The following FAM174B variants were observed in gnomAD, a reference collection of about 807,000 sequenced individuals.
The protein encoded by FAM174B is family with sequence similarity 174 member B, also known as membrane protein FAM174B.
Under a neutral mutation model 10.9 loss-of-function variants are expected in FAM174B, and 12 were observed. The ratio of observed to expected loss-of-function variants is 1.10; its 90% CI spans 0.71 to 1.79. FAM174B has a LOEUF of 1.79. Among genes scored for constraint, FAM174B ranks in the 40% most tolerant of loss-of-function variants. FAM174B has a pLI of 0.00. For missense variants in FAM174B, 266 were observed against 233.3 expected (o/e 1.14, Z -0.91); for synonymous variants, 132 against 115.8 (o/e 1.14, Z -0.90).
intron 1 of FAM174B, among the ~76,000 whole-genome samples, chr15:92,635,114 T>G (rs1041592854): frequency 1.1e-5 from 1 of 88,120 alleles, no homozygotes; most frequent in African/African-American, 3.2e-5. Context: ...CTCTCTCTCT[T>G]TCTCTGTCTC....
At chr15:92,627,739 C>T (rs978984075) in intron 2 of FAM174B, among the ~76,000 whole-genome samples, 2 of 152,186 alleles carry the variant, frequency 1.3e-5, no homozygotes, top group Admixed American at 6.5e-5. Context: ...TTGATCCACT[C>T]GAACCATTAA....
chr15:92,621,480 C>T (rs2050718962), intron 2 of FAM174B, among the ~76,000 whole-genome samples: 1 of 151,964 alleles, frequency 6.6e-6, no homozygotes, highest in South Asian at 2.1e-4. Flanking sequence ...GACATGGTGG[C>T]TTGTGCCTGT....
intron 1 of FAM174B, among the ~76,000 whole-genome samples, chr15:92,631,315 TAATATTATATATAA>T (rs2050807168): frequency 1.3e-3 from 1 of 796 alleles, no homozygotes; most frequent in African/African-American, 2.0e-3. Flanking sequence ...ATATTATATA[TAATATTATATATAA>T]TATATTATAT....
intron 2 of FAM174B, among the ~76,000 whole-genome samples, chr15:92,623,023 G>A (rs1418250796): frequency 6.6e-6 from 1 of 152,106 alleles, no homozygotes; most frequent in Non-Finnish European, 1.5e-5. Flanking sequence ...GGGCGTGGTG[G>A]CAGGCGCCTG....
Position 92,630,258 on chromosome 15 carries a change from C to T in FAM174B, c.432G>A (p.Glu144=). 6.2e-7 allele frequency: 1 copy of T among 1,613,452 alleles called. No individual in the cohort carries two copies. The highest frequency in any genetic ancestry group is 8.5e-7 in the Non-Finnish European group (1 of 1,179,654). Residue 144 remains glutamate (E), a synonymous_variant, in exon 2 of 3, where the codon GAG becomes GAA. Coordinates refer to ENST00000327355, the MANE Select transcript of FAM174B (RefSeq NM_207446.3). ...ERVEMAPLNE[E]DDEDEDSTVF... is the part of the protein sequence containing the mutation. ...CTGTGGAGTCCTCATCTTCATCATC[C>T]TCTTCATTTAGTGGCGCCATTTCCA...
In FAM174B at chr15:92,630,343, G is replaced by A. The variant is rs34052034; in HGVS notation, c.347C>T (p.Ser116Leu). 225 of 1,609,140 alleles carry A rather than the reference G, an allele frequency of 1.4e-4. No homozygotes were observed. The highest frequency in any genetic ancestry group is 1.0e-3 in the South Asian group (93 of 90,432). ...GCGTGTCTTCTTTAACCTCTTTCCC[G>A]ACCTGCAGGAGAAGAAGCACATTCA... Reference protein sequence around the residue: ...IACLLLRVFRSGKRLKKTRKY... With the variant: ...IACLLLRVFRLGKRLKKTRKY... The change falls in exon 2 of 3, where the codon TCG (serine) becomes TTG (leucine). Residue 116 changes from serine to leucine, a missense_variant and splice_region_variant. Physicochemically the swap from Ser to Leu is moderately radical, Grantham distance 145 (BLOSUM62 -2). Coordinates refer to ENST00000327355, the MANE Select transcript of FAM174B (RefSeq NM_207446.3).
chr15:92,627,606 C>G (rs2050761571), intron 2 of FAM174B, among the ~76,000 whole-genome samples: 1 of 152,180 alleles, frequency 6.6e-6, no homozygotes, highest in Non-Finnish European at 1.5e-5. Flanking sequence ...AGGGTCTTCT[C>G]TTATTCAGTG....
At chr15:92,631,447 TAAC>T (rs2050816499) in intron 1 of FAM174B, among the ~76,000 whole-genome samples, 1 of 61,016 alleles carries the variant, frequency 1.6e-5, no homozygotes, top group East Asian at 4.2e-4. Flanking sequence ...ATTATATATA[TAAC>T]ATAATATATA....
chr15:92,630,705 T>C (rs2050787577), intron 1 of FAM174B, among the ~76,000 whole-genome samples: 6 of 134,626 alleles, frequency 4.5e-5, no homozygotes, highest in Admixed American at 3.9e-4. Context: ...ATATATATTA[T>C]ATAATTATAT....
chr15:92,642,273 A>G (rs1161485498), intron 1 of FAM174B, among the ~76,000 whole-genome samples: 2 of 152,272 alleles, frequency 1.3e-5, no homozygotes, highest in Non-Finnish European at 2.9e-5. Context: ...AAGGTTAAAC[A>G]TGGAGTTATC....
rs367642570 is a variant in FAM174B at position 92,655,298 on chromosome 15, G to A, written c.344+18C>T. The stretch of plus-strand genomic sequence containing the variant: ...CCCTGTCGGCCGGCGGGGGAAGGAA[G>A]AGGGCGGGAGGGCCCACCTGAAGAC... On this transcript the variant is annotated intron_variant, in intron 1 of 2. Coordinates refer to ENST00000327355, the MANE Select transcript of FAM174B (RefSeq NM_207446.3). 2 of 1,527,076 alleles carry A rather than the reference G, an allele frequency of 1.3e-6. No homozygotes were observed. Among genetic ancestry groups the A allele is most frequent in the African/African-American group, 1.4e-5 (1 of 70,222 alleles). 94.6% of individuals were successfully genotyped at this position (1,527,076 alleles called of 1,614,324 possible). A position where few individuals can be genotyped will look rare whatever the true frequency, so the allele number is the denominator to read the frequency against.
intron 1 of FAM174B, among the ~76,000 whole-genome samples, chr15:92,649,729 C>G (rs2050952279): frequency 1.3e-5 from 2 of 152,206 alleles, no homozygotes; most frequent in Admixed American, 1.3e-4. Context: ...ACATTTGGGG[C>G]TCCCCATCCT....
intron 1 of FAM174B, among the ~76,000 whole-genome samples, chr15:92,642,551 T>C (rs2050898526): frequency 6.6e-6 from 1 of 152,258 alleles, no homozygotes. Context: ...GTTCTCATGA[T>C]AGTGAGTTCT....
At position 92,630,833 on chromosome 15, in the gene FAM174B, TTATA is replaced by T. The variant is rs375313390; in HGVS notation, c.345-492_345-489del. 1.8e-4 allele frequency among the ~76,000 whole-genome samples: 7 copies of T among 39,578 alleles called. 1 individual carries two copies. The East Asian group carries it at 1.8e-3, about 10-fold the overall frequency. The allele number at this position is 39,578 out of a possible 152,430, so 26.0% of individuals were successfully genotyped here. ...TATTTTATATATTACATATTATATA[TTATA>T]TATATTACATATTACATGTTACATA... On this transcript the variant is annotated intron_variant, in intron 1 of 2. Coordinates refer to ENST00000327355, the MANE Select transcript of FAM174B (RefSeq NM_207446.3).
At chr15:92,654,617 G>C (rs944051501) in intron 1 of FAM174B, among the ~76,000 whole-genome samples, 52 of 152,044 alleles carry the variant, frequency 3.4e-4, no homozygotes, top group African/African-American at 1.2e-3. Flanking sequence ...ACTTAGGCAG[G>C]AGCCTAGGAA....
At chr15:92,621,992 C>T (rs1471300353) in intron 2 of FAM174B, among the ~76,000 whole-genome samples, 5 of 152,196 alleles carry the variant, frequency 3.3e-5, no homozygotes, top group Admixed American at 3.3e-4. Context: ...GACCAAGAAT[C>T]GGAGCTGAGG....
chr15:92,639,153 C>G (rs1326185101), intron 1 of FAM174B: 2 of 152,288 alleles, frequency 1.3e-5, no homozygotes. Flanking sequence ...AGGGTAGGAA[C>G]TCACCTCGGA....
chr15:92,628,172 T>A (rs532838553), intron 2 of FAM174B, among the ~76,000 whole-genome samples: 23 of 78,164 alleles, frequency 2.9e-4, no homozygotes, highest in African/African-American at 5.9e-4. Context: ...TTTCCCAAAA[T>A]TTTTTTTTTT....
At chr15:92,650,228 G>T (rs945112183) in intron 1 of FAM174B, among the ~76,000 whole-genome samples, 1 of 152,132 alleles carries the variant, frequency 6.6e-6, no homozygotes, top group Admixed American at 6.5e-5. Flanking sequence ...AAGATAAGTA[G>T]GAAAGTTCTC....
Sources: gnomAD v4.1 joint callset for allele counts (sites outside exome capture counted in the v4.1 genomes callset) on GRCh38, gnomAD v4.1.1 for gene constraint, MANE v1.5 for transcripts, NCBI Gene and HGNC (gene_info 2026-07-23, HGNC 2026-07-21) for gene names.